ADCY9: variants seen among roughly 807,000 people sequenced by gnomAD.
ADCY9 encodes the protein adenylate cyclase 9.
Under a neutral mutation model 101.5 loss-of-function variants are expected in ADCY9, and 50 were observed. That is an observed-to-expected ratio of 0.49 (90% CI 0.39 to 0.62). The LOEUF (loss-of-function observed/expected upper bound fraction) is 0.62, where lower values mean the gene tolerates loss of function less well. ADCY9 is among the 20% of genes least tolerant of loss of function. The pLI, the probability that ADCY9 is intolerant of heterozygous loss-of-function variation, is 0.00. For missense variants in ADCY9, 1,662 were observed against 1,800.4 expected, an observed-to-expected ratio of 0.92 and a Z score of 1.39; for synonymous variants, 905 against 769.3, an observed-to-expected ratio of 1.18 and a Z score of -2.92.
At chr16:3,985,140 CTTTTTTTTTT>C (rs139751473) in intron 6 of ADCY9, among the ~76,000 whole-genome samples, 5 of 78,372 alleles carry the variant, frequency 6.4e-5, no homozygotes, top group African/African-American at 2.4e-4. Context: ...TTTTCTTTTC[CTTTTTTTTTT>C]TTTTTTTTTT....
At chr16:4,113,718 G>T in intron 2 of ADCY9, 32 bp downstream of exon 2, 1 of 1,588,116 alleles carries the variant, frequency 6.3e-7, no homozygotes, top group Non-Finnish European at 8.6e-7. Flanking sequence ...GGATCAGGGA[G>T]GGGGGATGCC....
chr16:3,956,613 C>G (rs1392464722), intron 5 of ADCY9, among the ~76,000 whole-genome samples: 3 of 150,968 alleles, frequency 2.0e-5, no homozygotes, highest in Non-Finnish European at 4.4e-5. Flanking sequence ...GCCTCAGCCT[C>G]CCAAGTAGCT....
intron 2 of ADCY9, among the ~76,000 whole-genome samples, chr16:4,009,615 CA>C (rs1374660090): frequency 6.6e-6 from 1 of 152,142 alleles, no homozygotes; most frequent in Non-Finnish European, 1.5e-5. Flanking sequence ...TTTTCTCCAA[CA>C]AAAACCCACA....
At chr16:4,098,261 G>C (rs2057021029) in intron 2 of ADCY9, among the ~76,000 whole-genome samples, 1 of 150,884 alleles carries the variant, frequency 6.6e-6, no homozygotes, top group Admixed American at 6.6e-5. Flanking sequence ...TTTTTTTTGA[G>C]ACAGAATCTC....
intron 2 of ADCY9, among the ~76,000 whole-genome samples, chr16:4,030,326 G>A (rs561218074): frequency 6.6e-6 from 1 of 152,226 alleles, no homozygotes; most frequent in Admixed American, 6.5e-5. Flanking sequence ...CAGCAGTGAC[G>A]ATGAAGGAAC....
chr16:4,082,737 C>T (rs2056912990), intron 2 of ADCY9, among the ~76,000 whole-genome samples: 1 of 151,224 alleles, frequency 6.6e-6, no homozygotes, highest in Admixed American at 6.6e-5. Flanking sequence ...TGCACACCCA[C>T]GCATGGACGC....
At position 3,966,015 on chromosome 16, in the gene ADCY9, G is replaced by A; in HGVS notation, c.3822C>T (p.Pro1274=). 6.2e-7 allele frequency: 1 copy of A among 1,614,186 alleles called. No homozygotes were observed. ...GCACCAGGTTGGCAATCTCGTCTGT[G>A]GGAGACCGTCCGATGCTGCCATCCA... ...VQVDGSIGRS[P]TDEIANLVPS... The change falls in exon 11 of 11, where the codon CCC becomes CCT. Residue 1274 remains proline, a synonymous_variant. Coordinates refer to ENST00000294016, the MANE Select transcript of ADCY9 (RefSeq NM_001116.4).
chr16:3,983,399 G>T lies in ADCY9; in HGVS notation c.2352C>A (p.Thr784=), dbSNP rs751991913. The stretch of plus-strand genomic sequence containing the variant: ...GAAACACATCCAGGAGGGAGCTGAA[G>T]GTGGGACTAGCAAACGTCTTCACGG... ...NSPVKTFASP[T]FSSLLDVFLS... is the part of the protein sequence containing the mutation. The change falls in exon 7 of 11, where the codon ACC becomes ACA. Residue 784 remains threonine (T), a synonymous_variant. Coordinates refer to ENST00000294016, the MANE Select transcript of ADCY9 (RefSeq NM_001116.4). 1.7e-5 allele frequency: 28 copies of T among 1,608,148 alleles called. No homozygotes were observed. Among genetic ancestry groups the T allele is most frequent in the Non-Finnish European group, 2.2e-5 (26 of 1,176,938 alleles).
rs576673163 is a variant in ADCY9 at position 4,026,650 on chromosome 16, C to T, written c.1694-19092G>A. ...TGTGGTCCCTCCCCACAATGGGGCA[C>T]TACTCAGCATCACAAGGAATGAACT... On this transcript the variant is annotated intron_variant, in intron 2 of 10. Transcript: ENST00000294016. Among the ~76,000 whole-genome samples, 9 of 152,292 alleles carry T rather than the reference C, an allele frequency of 5.9e-5. 1 individual carries two copies. In the East Asian group the frequency reaches 9.6e-4, roughly 16 times the overall value.
intron 10 of ADCY9, among the ~76,000 whole-genome samples, chr16:3,972,579 G>A (rs1445805569): frequency 2.6e-5 from 4 of 152,130 alleles, no homozygotes; most frequent in Non-Finnish European, 4.4e-5. Context: ...TAATTTATAA[G>A]TCATAAATGG....
Position 3,992,182 on chromosome 16 carries a change from G to A in ADCY9, c.2171C>T (p.Thr724Met), listed in dbSNP as rs1347350747. 1.2e-6 allele frequency: 2 copies of A among 1,614,188 alleles called. No individual in the cohort carries two copies. The highest frequency in any genetic ancestry group is 2.2e-5 in the East Asian group (1 of 44,888). Residue 724 changes from threonine to methionine, a missense_variant, in exon 5 of 11, where the codon ACG becomes ATG. By Grantham distance (81) the Thr-to-Met change is moderately conservative. Around this residue, in one of 5 missense-constraint regions of ADCY9, gnomAD observed 624 missense variants for 639.1 expected, o/e 0.98. Coordinates refer to ENST00000294016, the MANE Select transcript of ADCY9 (RefSeq NM_001116.4). The surrounding 1 kb of genome is among the most constrained non-coding windows in gnomAD (Gnocchi z 4.2). The part of the protein sequence containing the change: ...PLRFKNIREK[T>M]DAHFVDVIKE... Reference sequence around the variant, plus strand: ...GATAACGTCCACAAAGTGGGCGTCCGTTTTCTCCCGGATGTTCTTGAACCT... The same window carrying A: ...GATAACGTCCACAAAGTGGGCGTCCATTTTCTCCCGGATGTTCTTGAACCT...
At chr16:4,029,069 C>A (rs2056536918) in intron 2 of ADCY9, among the ~76,000 whole-genome samples, 1 of 152,156 alleles carries the variant, frequency 6.6e-6, no homozygotes, top group Admixed American at 6.6e-5. Context: ...AGACGTGAGC[C>A]ACTGCGCCCG....
chr16:4,082,443 C>A (rs2056909402), intron 2 of ADCY9, among the ~76,000 whole-genome samples: 1 of 152,182 alleles, frequency 6.6e-6, no homozygotes, highest in Admixed American at 6.5e-5. Context: ...CATTGCATCC[C>A]TAAGAATCAT....
intron 2 of ADCY9, among the ~76,000 whole-genome samples, chr16:4,059,379 GAAAAAA>G (rs1555441793): frequency 1.7e-5 from 2 of 118,484 alleles, no homozygotes; most frequent in African/African-American, 6.4e-5. Flanking sequence ...AGAATCCATC[GAAAAAA>G]AAAAAAAAAG....
chr16:4,065,697 C>G (rs763153093), intron 2 of ADCY9, among the ~76,000 whole-genome samples: 1 of 152,294 alleles, frequency 6.6e-6, no homozygotes, highest in East Asian at 1.9e-4. Context: ...GCCTCCCGAA[C>G]AGCTGGGATT....
At chr16:4,052,393 C>T (rs1159347672) in intron 2 of ADCY9, among the ~76,000 whole-genome samples, 1 of 152,044 alleles carries the variant, frequency 6.6e-6, no homozygotes, top group Non-Finnish European at 1.5e-5. Context: ...TTTAGGAAAC[C>T]CACACAGGAG....
At chr16:4,023,130 C>T (rs985813962) in intron 2 of ADCY9, among the ~76,000 whole-genome samples, 1 of 152,196 alleles carries the variant, frequency 6.6e-6, no homozygotes, top group African/African-American at 2.4e-5. Flanking sequence ...TTACACAGAC[C>T]AACTTTCTTC....
chr16:3,985,080 G>C (rs1474269496), intron 6 of ADCY9, among the ~76,000 whole-genome samples: 1 of 152,048 alleles, frequency 6.6e-6, no homozygotes, highest in African/African-American at 2.4e-5. Flanking sequence ...TCAGGTCCCA[G>C]CCCTGGAATC....
chr16:4,085,410 C>T (rs949349873), intron 2 of ADCY9, among the ~76,000 whole-genome samples: 1 of 152,042 alleles, frequency 6.6e-6, no homozygotes, highest in African/African-American at 2.4e-5. Flanking sequence ...GAGAGCCGCA[C>T]CAAGTGTGTG....
Sources: gnomAD v4.1 joint callset for allele counts (sites outside exome capture counted in the v4.1 genomes callset) on GRCh38, gnomAD v4.1.1 for gene constraint, gnomAD v4.1.1 regional missense constraint, Gnocchi (gnomAD v3.1) non-coding constraint, MANE v1.5 for transcripts, NCBI Gene and HGNC (gene_info 2026-07-23, HGNC 2026-07-21) for gene names.